Variants in EFCAB6 observed in about 807,000 individuals in gnomAD.
The protein encoded by EFCAB6 is EF-hand calcium-binding domain-containing protein 6.
Under a neutral mutation model 169.8 loss-of-function variants are expected in EFCAB6, and 156 were observed. The ratio of observed to expected loss-of-function variants is 0.92; its 90% confidence interval spans 0.81 to 1.05. The LOEUF (loss-of-function observed/expected upper bound fraction) is 1.05, where lower values mean the gene tolerates loss of function less well. Ranked by LOEUF, EFCAB6 falls within the 50% of genes least tolerant of loss-of-function variation. The pLI is 0.00. For synonymous variants in EFCAB6, 698 were observed against 676.4 expected (o/e 1.03, Z -0.50); for missense variants, 1,800 against 1,829.1 (o/e 0.98, Z 0.29).
In EFCAB6 at chr22:43,626,552, C is replaced by T; in HGVS notation, c.2360G>A (p.Gly787Asp). The T allele has an allele frequency of 2.5e-6, 4 of 1,614,062 alleles. No homozygotes were observed. Among genetic ancestry groups the T allele is most frequent in the African/African-American group, 1.3e-5 (1 of 74,994 alleles). The change falls in exon 20 of 32, where the codon GGC becomes GAC. Residue 787 changes from glycine (G) to aspartate (D), a missense_variant. By Grantham distance (94) the Gly-to-Asp change is moderately conservative. Transcript: ENST00000262726. ...LKDDEFERFL[G>D]LLGLRLSVTL... ...GACACTAAGTCTCAAGCCAAGAAGG[C>T]CAAGGAAGCGCTCAAACTCGTCGTC...
intron 6 of EFCAB6, among the ~76,000 whole-genome samples, chr22:43,754,412 T>C (rs537403028): frequency 6.6e-6 from 1 of 152,230 alleles, no homozygotes; most frequent in East Asian, 1.9e-4. Flanking sequence ...TGCCCAGGGT[T>C]GGGGTCATAG....
intron 2 of EFCAB6, among the ~76,000 whole-genome samples, chr22:43,791,392 G>A (rs117322620): frequency 0.038 from 5,646 of 150,542 alleles, 145 homozygotes; most frequent in Non-Finnish European, 0.054. Flanking sequence ...AAAAAGTTTC[G>A]GAATTGCCAA....
intron 6 of EFCAB6, among the ~76,000 whole-genome samples, chr22:43,754,794 C>A (rs2060895483): frequency 6.6e-6 from 1 of 152,138 alleles, no homozygotes; most frequent in South Asian, 2.1e-4. Flanking sequence ...AGAAGCATAT[C>A]ATGATGAACA....
intron 19 of EFCAB6, among the ~76,000 whole-genome samples, chr22:43,627,211 C>T (rs556612117): frequency 6.6e-6 from 1 of 152,312 alleles, no homozygotes; most frequent in South Asian, 2.1e-4. Context: ...GACTTCCACT[C>T]AGCCCATCGT....
At chr22:43,700,815 A>G (rs948649865) in intron 10 of EFCAB6, among the ~76,000 whole-genome samples, 44 of 152,172 alleles carry the variant, frequency 2.9e-4, no homozygotes, top group African/African-American at 1.1e-3. Context: ...CTTTTTATTG[A>G]TGAGAAATAT....
rs2049921624 is a variant in EFCAB6 at position 43,572,105 on chromosome 22, C to T, written c.3420+4192G>A. 6.6e-6 allele frequency among the ~76,000 whole-genome samples: 1 copy of T among 152,166 alleles called. No homozygotes were observed. The highest frequency in any genetic ancestry group is 1.5e-5 in the Non-Finnish European group (1 of 68,028). ...GCAGGGACAGTGCCACCTCTGCATCCACGGTTCCTAGTCCACCGTGGTTAG... is the reference window on the plus strand; with the variant it reads ...GCAGGGACAGTGCCACCTCTGCATCTACGGTTCCTAGTCCACCGTGGTTAG... On this transcript the variant is annotated intron_variant, in intron 26 of 31. Coordinates refer to ENST00000262726, the MANE Select transcript of EFCAB6 (RefSeq NM_022785.4). This position sits in a 1 kb window ranked among gnomAD's most constrained non-coding sequence, Gnocchi z 4.0.
intron 8 of EFCAB6, among the ~76,000 whole-genome samples, chr22:43,730,233 G>A (rs2059891987): frequency 8.1e-6 from 1 of 123,844 alleles, no homozygotes; most frequent in Non-Finnish European, 1.7e-5. Context: ...GAGGGCAGGA[G>A]GGAAGGATGG....
chr22:43,776,856 G>C (rs899964471), intron 3 of EFCAB6, among the ~76,000 whole-genome samples: 2 of 152,176 alleles, frequency 1.3e-5, no homozygotes, highest in Non-Finnish European at 2.9e-5. Context: ...AGGGAGGGAA[G>C]CAATGTTATC....
chr22:43,641,675 C>G (rs1417087383), intron 17 of EFCAB6, among the ~76,000 whole-genome samples: 1 of 151,164 alleles, frequency 6.6e-6, no homozygotes, highest in Non-Finnish European at 1.5e-5. Context: ...GTGAGACACA[C>G]AAAAGGATCC....
At chr22:43,722,769 CACTATTCACCATAGCAAAG>C (rs376370544) in intron 8 of EFCAB6, among the ~76,000 whole-genome samples, 1,843 of 152,230 alleles carry the variant, frequency 0.012, 17 homozygotes, top group Admixed American at 0.019. Context: ...TTCATTGTAG[CACTATTCACCATAGCAAAG>C]ACATGGAATA....
chr22:43,682,783 C>A (rs2147103219), intron 12 of EFCAB6, among the ~76,000 whole-genome samples: 1 of 152,322 alleles, frequency 6.6e-6, no homozygotes, highest in Non-Finnish European at 1.5e-5. Context: ...GTGCCTGGCA[C>A]ATAGTAAGCA....
At chr22:43,560,652 G>A (rs1428697151) in intron 26 of EFCAB6, among the ~76,000 whole-genome samples, 1 of 152,116 alleles carries the variant, frequency 6.6e-6, no homozygotes, top group Non-Finnish European at 1.5e-5. Flanking sequence ...TGGGTGCCAC[G>A]GGAAGTGCAG....
rs540106705 is a variant in EFCAB6, at chr22:43,744,115, G to A, written c.508-8122C>T. 6.1e-5 allele frequency among the ~76,000 whole-genome samples: 9 copies of A among 147,714 alleles called. No homozygotes were observed. The highest frequency in any genetic ancestry group is 2.1e-4 in the East Asian group (1 of 4,868). On this transcript the variant is annotated intron_variant, in intron 6 of 31. Transcript: ENST00000262726. The surrounding 1 kb of genome is among the most constrained non-coding windows in gnomAD (Gnocchi z 4.3). ...GAATGAATGAATGAATGAATGAATG[G>A]ATGGGTTATGGATGGATGGATGGGT... is the stretch of plus-strand genomic sequence containing the variant.
At chr22:43,782,441 T>C in intron 2 of EFCAB6, 116 bp from the exon 3 acceptor site, 1 of 858,908 alleles carries the variant, frequency 1.2e-6, no homozygotes, top group South Asian at 1.9e-5. Flanking sequence ...AAAATGATGC[T>C]AGTCATAATC....
intron 15 of EFCAB6, among the ~76,000 whole-genome samples, chr22:43,669,391 G>T (rs1569350780): frequency 6.6e-6 from 1 of 152,196 alleles, no homozygotes; most frequent in Non-Finnish European, 1.5e-5. Context: ...CAGTGAAAAG[G>T]AAAGAACTGT....
At chr22:43,583,787 A>G (rs1246539154) in intron 24 of EFCAB6, among the ~76,000 whole-genome samples, 1 of 152,174 alleles carries the variant, frequency 6.6e-6, no homozygotes, top group African/African-American at 2.4e-5. Context: ...ATCTGCTGGT[A>G]CCTCAATTCT....
At chr22:43,725,947 C>A (rs993618513) in intron 8 of EFCAB6, among the ~76,000 whole-genome samples, 3 of 152,006 alleles carry the variant, frequency 2.0e-5, no homozygotes, top group Admixed American at 6.6e-5. Context: ...ACGATGAATG[C>A]AGGATAGAAG....
At chr22:43,654,330 G>A (rs946689041) in intron 17 of EFCAB6, among the ~76,000 whole-genome samples, 6 of 152,184 alleles carry the variant, frequency 3.9e-5, no homozygotes, top group Non-Finnish European at 5.9e-5. Context: ...TTCCAAAGAC[G>A]AAAATCTTTC....
chr22:43,750,783 T>C (rs2060730392), intron 6 of EFCAB6, among the ~76,000 whole-genome samples: 1 of 152,218 alleles, frequency 6.6e-6, no homozygotes. Flanking sequence ...TTAAATGTCT[T>C]TTTAAAGAAA....
Sources: allele counts gnomAD v4.1 joint callset (sites outside exome capture counted in the v4.1 genomes callset), GRCh38; gene constraint gnomAD v4.1.1; non-coding constraint Gnocchi (gnomAD v3.1); transcripts MANE v1.5; gene names NCBI Gene and HGNC (gene_info 2026-07-23, HGNC 2026-07-21).